Variants in ST18 observed in about 807,000 individuals in gnomAD.
The protein encoded by ST18 is suppression of tumorigenicity 18 protein.
A neutral mutation model predicts 110.0 loss-of-function variants in ST18; 50 were observed. That is an observed-to-expected ratio of 0.45 (90% CI 0.36 to 0.58). The LOEUF (loss-of-function observed/expected upper bound fraction) is 0.58. Among genes scored for constraint, ST18 ranks in the 20% least tolerant of loss-of-function variants. ST18 has a pLI of 0.00. For missense variants in ST18, 1,306 were observed against 1,280.1 expected, an observed-to-expected ratio of 1.02 and a Z score of -0.31; for synonymous variants, 461 against 452.4, an observed-to-expected ratio of 1.02 and a Z score of -0.24.
Position 52,149,747 on chromosome 8 carries a change from T to C in ST18, c.2037A>G (p.Thr679=). The stretch of plus-strand genomic sequence containing the variant: ...GAAACAATACCTCTTTCTCCTCCTC[T>C]GTCTTCCCGTGAGTTTTGCTATAGT... ...PINYSKTHGK[T]EEEKEKDPVS... Residue 679 remains threonine (T), a synonymous_variant, in exon 16 of 26, where the codon ACA becomes ACG. Transcript: ENST00000689386. The C allele has an allele frequency of 6.2e-7, 1 of 1,614,028 alleles. No individual in the cohort carries two copies. Among genetic ancestry groups the C allele is most frequent in the Non-Finnish European group, 8.5e-7 (1 of 1,179,942 alleles).
intron 14 of ST18, among the ~76,000 whole-genome samples, chr8:52,159,707 G>C (rs1032839152): frequency 6.6e-6 from 1 of 152,122 alleles, no homozygotes; most frequent in Non-Finnish European, 1.5e-5. Flanking sequence ...CTGGCATTTT[G>C]GCATATTTAG....
intron 13 of ST18, 142 bp from the exon 14 acceptor site, chr8:52,161,710 G>C: frequency 1.0e-6 from 1 of 960,318 alleles, no homozygotes; most frequent in Non-Finnish European, 1.5e-6. Context: ...ACGGGGCCAT[G>C]GCAGGACAGA....
chr8:52,338,121 T>G (rs1813013791), intron 2 of ST18, among the ~76,000 whole-genome samples: 1 of 152,092 alleles, frequency 6.6e-6, no homozygotes, highest in Non-Finnish European at 1.5e-5. Context: ...TGCAATGGCA[T>G]GTTCTCGGCT....
intron 8 of ST18, among the ~76,000 whole-genome samples, chr8:52,182,013 C>G (rs1450607589): frequency 6.6e-6 from 1 of 151,918 alleles, no homozygotes; most frequent in Non-Finnish European, 1.5e-5. Context: ...GTTAAAGTAT[C>G]CTGAGTCAAA....
chr8:52,306,413 A>G (rs2095813583), intron 2 of ST18, among the ~76,000 whole-genome samples: 1 of 152,226 alleles, frequency 6.6e-6, no homozygotes, highest in Non-Finnish European at 1.5e-5. Context: ...AGAACAGAAC[A>G]GGGCTGGCAT....
chr8:52,388,201 G>A (rs935880246), intron 2 of ST18, among the ~76,000 whole-genome samples: 1 of 152,182 alleles, frequency 6.6e-6, no homozygotes, highest in Non-Finnish European at 1.5e-5. Context: ...TGTCATCTGT[G>A]AGAAACACTG....
At chr8:52,263,540 G>T (rs1379115412) in intron 2 of ST18, among the ~76,000 whole-genome samples, 1 of 151,110 alleles carries the variant, frequency 6.6e-6, no homozygotes, top group African/African-American at 2.4e-5. Context: ...TCAATATCTT[G>T]GTGTTCTCAT....
rs761499857 is a variant in ST18 at position 52,161,553 on chromosome 8, C to T, written c.1416G>A (p.Lys472=). 6.2e-7 allele frequency: 1 copy of T among 1,614,088 alleles called. No homozygotes were observed. The highest frequency in any genetic ancestry group is 1.6e-4 in the Middle Eastern group (1 of 6,062). ...GTGACGGGAAATTGAATTCAATTTG[C>T]TTCACCAAACTTGTCCTGGAGAGGG... ...PDQAHRTSLV[K]QIEFNFPSQA... Residue 472 remains lysine, a synonymous_variant, in exon 14 of 26, where the codon AAG becomes AAA. Coordinates refer to ENST00000689386, the MANE Select transcript of ST18 (RefSeq NM_001352837.2).
chr8:52,258,136 A>G (rs2094580329), intron 2 of ST18, among the ~76,000 whole-genome samples: 1 of 152,186 alleles, frequency 6.6e-6, no homozygotes, highest in South Asian at 2.1e-4. Context: ...ATTGATGTAC[A>G]TATTTATCTT....
intron 5 of ST18, among the ~76,000 whole-genome samples, chr8:52,218,906 C>A (rs1039153267): frequency 1.3e-5 from 2 of 150,568 alleles, no homozygotes; most frequent in African/African-American, 2.4e-5. Context: ...CTGAGAAGAG[C>A]TGCTGGGGTC....
At chr8:52,178,644 C>A (rs12681231) in intron 9 of ST18, among the ~76,000 whole-genome samples, 50,083 of 61,500 alleles carry the variant, frequency 0.81, 21,376 homozygotes, top group Non-Finnish European at 0.9. Context: ...AAAAAAAAAA[C>A]CACCAAAAAC....
intron 2 of ST18, among the ~76,000 whole-genome samples, chr8:52,330,276 G>A (rs1044043268): frequency 1.3e-5 from 2 of 152,138 alleles, no homozygotes; most frequent in Admixed American, 6.5e-5. Flanking sequence ...GTACACGAGA[G>A]GGTCACTCAG....
At chr8:52,235,704 A>G (rs1459162987) in intron 2 of ST18, among the ~76,000 whole-genome samples, 1 of 152,232 alleles carries the variant, frequency 6.6e-6, no homozygotes, top group African/African-American at 2.4e-5. Context: ...GTGAAGTAGG[A>G]AATAATCTTA....
intron 2 of ST18, among the ~76,000 whole-genome samples, chr8:52,394,235 A>T (rs1304460454): frequency 1.3e-5 from 2 of 152,192 alleles, no homozygotes; most frequent in Non-Finnish European, 2.9e-5. Context: ...AATTTCTGCC[A>T]ATTCCACCTG....
intron 8 of ST18, among the ~76,000 whole-genome samples, chr8:52,206,975 T>G (rs1206516797): frequency 4.6e-5 from 7 of 152,208 alleles, no homozygotes; most frequent in Non-Finnish European, 8.8e-5. Flanking sequence ...GTTCACTTTT[T>G]TCTTTAGTTA....
intron 2 of ST18, among the ~76,000 whole-genome samples, chr8:52,275,981 T>A (rs574197823): frequency 1.2e-5 from 1 of 82,358 alleles, no homozygotes; most frequent in African/African-American, 4.4e-5. Context: ...GCATACCACA[T>A]CCTACACATC....
rs187077884 is a variant in ST18, at chr8:52,134,213, A to T, written c.2301-912T>A. Among the ~76,000 whole-genome samples the T allele has an allele frequency of 3.4e-3, 520 of 152,336 alleles. 1 individual carries two copies. Among genetic ancestry groups the T allele is most frequent in the Non-Finnish European group, 5.8e-3 (395 of 68,028 alleles). On this transcript the variant is annotated intron_variant, in intron 19 of 25. Coordinates refer to ENST00000689386, the MANE Select transcript of ST18 (RefSeq NM_001352837.2). ...TCCTGCTTCATGGCCCAAGTCAAAC[A>T]GTCTTTGGGGGAAAATCCATCAATA...
At chr8:52,297,449 T>A (rs1281145146) in intron 2 of ST18, among the ~76,000 whole-genome samples, 1 of 152,196 alleles carries the variant, frequency 6.6e-6, no homozygotes, top group Non-Finnish European at 1.5e-5. Context: ...ATTCCTAACT[T>A]GTAAATATAA....
intron 2 of ST18, among the ~76,000 whole-genome samples, chr8:52,244,509 A>G (rs1031885599): frequency 6.6e-6 from 1 of 152,212 alleles, no homozygotes; most frequent in East Asian, 1.9e-4. Flanking sequence ...AAAAATTCCC[A>G]AATACATCAC....
Sources: allele counts gnomAD v4.1 joint callset (sites outside exome capture counted in the v4.1 genomes callset), GRCh38; gene constraint gnomAD v4.1.1; transcripts MANE v1.5; gene names NCBI Gene and HGNC (gene_info 2026-07-23, HGNC 2026-07-21).